Variants in WSCD1 observed in about 807,000 individuals in gnomAD.
WSCD1 encodes WSC domain sialate O sulfotransferase 1.
A neutral mutation model predicts 60.4 loss-of-function variants in WSCD1; 41 were observed. The observed-to-expected ratio is 0.68, with a 90% CI of 0.53 to 0.88. WSCD1 has a LOEUF of 0.88. Ranked by LOEUF, WSCD1 falls within the 40% of genes least tolerant of loss-of-function variation. The pLI is 0.00. For missense variants in WSCD1, 784 were observed against 796.2 expected, an observed-to-expected ratio of 0.98 and a Z score of 0.18; for synonymous variants, 361 against 332.5, an observed-to-expected ratio of 1.09 and a Z score of -0.93.
At chr17:6,104,654 C>A (rs1910986051) in intron 5 of WSCD1, among the ~76,000 whole-genome samples, 1 of 152,184 alleles carries the variant, frequency 6.6e-6, no homozygotes, top group Non-Finnish European at 1.5e-5. Context: ...CCTTTTTGTA[C>A]CTTGAATATC....
intron 4 of WSCD1, 59 bp from the exon 5 acceptor site, chr17:6,095,043 T>C: frequency 6.4e-7 from 1 of 1,561,870 alleles, no homozygotes; most frequent in South Asian, 1.2e-5. Flanking sequence ...TTTTCCCTGG[T>C]GACAGGCACC....
intron 1 of WSCD1, among the ~76,000 whole-genome samples, chr17:6,074,730 A>C (rs1217650027): frequency 6.6e-6 from 1 of 152,246 alleles, no homozygotes; most frequent in Non-Finnish European, 1.5e-5. Flanking sequence ...GGCTGGTGGA[A>C]GGGCATGCGT....
chr17:6,119,168 T>TTAGG, intron 8 of WSCD1, among the ~76,000 whole-genome samples: 1 of 152,284 alleles, frequency 6.6e-6, no homozygotes, highest in East Asian at 1.9e-4. Flanking sequence ...ATATGGTGGG[T>TTAGG]TAGGACTCTC....
intron 1 of WSCD1, among the ~76,000 whole-genome samples, chr17:6,079,138 T>A (rs1332931582): frequency 6.6e-6 from 1 of 152,076 alleles, no homozygotes; most frequent in Non-Finnish European, 1.5e-5. Flanking sequence ...CTATCTGGGG[T>A]CTTTGTCCGA....
chr17:6,098,333 T>C (rs1351602108), intron 5 of WSCD1, among the ~76,000 whole-genome samples: 1 of 152,174 alleles, frequency 6.6e-6, no homozygotes, highest in East Asian at 1.9e-4. Context: ...ACTCTTCAAC[T>C]TGTATTTTCA....
chr17:6,077,088 C>CTT (rs34145700), intron 1 of WSCD1, among the ~76,000 whole-genome samples: 32 of 122,434 alleles, frequency 2.6e-4, no homozygotes, highest in African/African-American at 4.4e-4. Context: ...GTTCCTGATG[C>CTT]TTTTTTTTTT....
chr17:6,087,636 G>A (rs1428744694), intron 2 of WSCD1, among the ~76,000 whole-genome samples: 1 of 152,228 alleles, frequency 6.6e-6, no homozygotes, highest in African/African-American at 2.4e-5. Context: ...CCCAGGGAGG[G>A]CAGGGCTAGA....
chr17:6,087,922 T>C, intron 2 of WSCD1, 68 bp from the exon 3 acceptor site: 1 of 1,346,696 alleles, frequency 7.4e-7, no homozygotes, highest in Admixed American at 1.8e-5. Flanking sequence ...GAGGTTCCCC[T>C]GGCTTTTCCT....
In WSCD1 at chr17:6,090,476, T is replaced by C. The variant is rs749273942; in HGVS notation, c.698T>C (p.Val233Ala). Residue 233 changes from valine (V) to alanine (A), a missense_variant, in exon 4 of 9, where the codon GTG (valine) becomes GCG (alanine). Coordinates refer to ENST00000317744, the MANE Select transcript of WSCD1 (RefSeq NM_015253.2). ...GAVDRLSVYR[V>A]DELQPGSRKR... ...GTGGACCGGCTCTCCGTGTACCGTGTGGACGAGCTGCAGCCGGGCTCCAGG... is the reference window on the plus strand; with the variant it reads ...GTGGACCGGCTCTCCGTGTACCGTGCGGACGAGCTGCAGCCGGGCTCCAGG... 3 of 1,613,006 alleles carry C rather than the reference T, an allele frequency of 1.9e-6. No homozygotes were observed. In the South Asian group the frequency reaches 3.3e-5, roughly 18 times the overall value.
chr17:6,104,272 C>T (rs1053692640), intron 5 of WSCD1, among the ~76,000 whole-genome samples: 1 of 152,200 alleles, frequency 6.6e-6, no homozygotes, highest in African/African-American at 2.4e-5. Context: ...TATGATCTAA[C>T]CCCTCCAACC....
intron 5 of WSCD1, among the ~76,000 whole-genome samples, chr17:6,095,925 G>C (rs1473538286): frequency 6.6e-6 from 1 of 152,202 alleles, no homozygotes; most frequent in Non-Finnish European, 1.5e-5. Flanking sequence ...GTGGCAGTAG[G>C]CTTGGGGCTG....
intron 1 of WSCD1, among the ~76,000 whole-genome samples, chr17:6,077,631 T>C (rs1265854984): frequency 1.3e-5 from 2 of 152,158 alleles, no homozygotes; most frequent in African/African-American, 4.8e-5. Flanking sequence ...TGAGATGTAT[T>C]GAATCCTGAT....
At position 6,118,280 on chromosome 17, in the gene WSCD1, T is replaced by C. The variant is rs1904428400; in HGVS notation, c.1375+92T>C. ...AGGATCAATTTACACAGGTAGGCAC[T>C]GCAGGATGCAGGATCAGTATACACA... On this transcript the variant is annotated intron_variant, in intron 8 of 8. Transcript: ENST00000317744. This position sits in a 1 kb window ranked among gnomAD's most constrained non-coding sequence, Gnocchi z 5.8. 7.7e-7 allele frequency: 1 copy of C among 1,303,576 alleles called. No homozygotes were observed. Among genetic ancestry groups the C allele is most frequent in the Non-Finnish European group, 1.1e-6 (1 of 939,426 alleles). 80.8% of individuals were successfully genotyped at this position (1,303,576 alleles called of 1,614,324 possible).
chr17:6,081,150 G>T (rs1330700736), intron 2 of WSCD1, 65 bp downstream of exon 2: 7 of 1,472,256 alleles, frequency 4.8e-6, no homozygotes, highest in Non-Finnish European at 6.3e-6. Flanking sequence ...CACAGGTTTG[G>T]TGTCCCCTTT....
chr17:6,109,421 T>C (rs901804163), intron 5 of WSCD1, among the ~76,000 whole-genome samples, 186 bp from the exon 6 acceptor site: 5 of 152,134 alleles, frequency 3.3e-5, no homozygotes, highest in Non-Finnish European at 7.4e-5. Flanking sequence ...GCTCACATCT[T>C]GTTGATCTTT....
rs561721471 is a variant in WSCD1 at position 6,120,770 on chromosome 17, TG to T, written c.*115del. ...TGGCCTCACTGGGACGAACGGTGGGTGGGGGGCTCACCCTGGTGCTGCCTCC... is the reference window on the plus strand; with the variant it reads ...TGGCCTCACTGGGACGAACGGTGGGTGGGGGCTCACCCTGGTGCTGCCTCC... On this transcript the variant is annotated 3_prime_UTR_variant, in exon 9 of 9. Coordinates refer to ENST00000317744, the MANE Select transcript of WSCD1 (RefSeq NM_015253.2). 350 of 1,199,028 alleles carry T rather than the reference TG, an allele frequency of 2.9e-4. No individual in the cohort carries two copies. The African/African-American group carries it at 4.3e-3, about 15-fold the overall frequency. 74.3% of individuals were successfully genotyped at this position (1,199,028 alleles called of 1,614,324 possible).
chr17:6,069,774 GGTGTGT>G (rs746125445), upstream of WSCD1, among the ~76,000 whole-genome samples: 5,737 of 106,522 alleles, frequency 0.054, 348 homozygotes, highest in African/African-American at 0.18. Context: ...ACGGTGATCC[GGTGTGT>G]GTGTGTGTGT....
chr17:6,119,060 C>T (rs1038008859), intron 8 of WSCD1, among the ~76,000 whole-genome samples: 2 of 152,214 alleles, frequency 1.3e-5, no homozygotes, highest in African/African-American at 4.8e-5. Context: ...TCTCTGGTGA[C>T]TCTTCTGATA....
rs1219107347 is a variant in WSCD1, at chr17:6,101,580, G to C, written c.849+6357G>C. 6.6e-6 allele frequency among the ~76,000 whole-genome samples: 1 copy of C among 152,144 alleles called. No individual in the cohort carries two copies. Among genetic ancestry groups the C allele is most frequent in the Non-Finnish European group, 1.5e-5 (1 of 68,028 alleles). On this transcript the variant is annotated intron_variant, in intron 5 of 8. Transcript: ENST00000317744. This position sits in a 1 kb window ranked among gnomAD's most constrained non-coding sequence, Gnocchi z 4.1. ...GGAGATCCAAGAGTGTAGTTTGACAGAAAAAGAACATTCCAGGTGATATCT... is the reference window on the plus strand; with the variant it reads ...GGAGATCCAAGAGTGTAGTTTGACACAAAAAGAACATTCCAGGTGATATCT...
Sources: allele counts gnomAD v4.1 joint callset (sites outside exome capture counted in the v4.1 genomes callset), GRCh38; gene constraint gnomAD v4.1.1; non-coding constraint Gnocchi (gnomAD v3.1); transcripts MANE v1.5; gene names NCBI Gene and HGNC (gene_info 2026-07-23, HGNC 2026-07-21).